The following PCDH15 variants were observed in gnomAD, a reference collection of about 807,000 sequenced individuals.
The protein encoded by PCDH15 is protocadherin-15.
A neutral mutation model predicts 178.5 loss-of-function variants in PCDH15; 129 were observed. The ratio of observed to expected loss-of-function variants is 0.72; its 90% CI spans 0.63 to 0.84. The LOEUF is 0.84. PCDH15 is among the 40% of genes least tolerant of loss of function. The probability of loss-of-function intolerance (pLI) is 0.00; values close to 1 mark genes in which losing one functional copy is unlikely to be tolerated. For missense variants in PCDH15, 2,230 were observed against 2,099.9 expected, an observed-to-expected ratio of 1.06 and a Z score of -1.21; for synonymous variants, 800 against 732.0, an observed-to-expected ratio of 1.09 and a Z score of -1.50.
At chr10:54,107,661 G>T (rs2094941156) in intron 15 of PCDH15, among the ~76,000 whole-genome samples, 1 of 152,160 alleles carries the variant, frequency 6.6e-6, no homozygotes, top group African/African-American at 2.4e-5. Flanking sequence ...CATGAAGTGG[G>T]GGACAGCAGC....
At chr10:53,898,780 A>T (rs2082134273) in intron 26 of PCDH15, among the ~76,000 whole-genome samples, 1 of 152,194 alleles carries the variant, frequency 6.6e-6, no homozygotes, top group Non-Finnish European at 1.5e-5. Context: ...CAGGACAGGC[A>T]TGATTGGCTC....
chr10:54,283,004 C>G (rs1010482823), intron 8 of PCDH15, among the ~76,000 whole-genome samples: 1 of 151,770 alleles, frequency 6.6e-6, no homozygotes, highest in African/African-American at 2.4e-5. Context: ...AAAAAGTAGA[C>G]CTTACTATGA....
Position 54,848,618 on chromosome 10 carries a change from G to A in PCDH15, c.-29+48832C>T, listed in dbSNP as rs181213286. Among the ~76,000 whole-genome samples the A allele has an allele frequency of 2.0e-4, 30 of 151,970 alleles. No homozygotes were observed. In the East Asian group the frequency reaches 4.8e-3, roughly 25 times the overall value. On this transcript the variant is annotated intron_variant, in intron 3 of 5. Transcript: ENST00000458638. ...CTCAACCTCCACAACTATAGAAAAT[G>A]AATTTATTTATTTATAAATTACTCA...
chr10:54,670,849 C>T (rs552811322), intron 1 of PCDH15, among the ~76,000 whole-genome samples: 3 of 152,194 alleles, frequency 2.0e-5, no homozygotes, highest in Admixed American at 2.0e-4. Context: ...AATGACTTTG[C>T]TATTGAGCAT....
intron 2 of PCDH15, among the ~76,000 whole-genome samples, chr10:55,340,447 C>A (rs1844522640): frequency 6.6e-6 from 1 of 151,678 alleles, no homozygotes; most frequent in Admixed American, 6.6e-5. Flanking sequence ...GGAAGTTAAT[C>A]ATCTCATACT....
chr10:54,468,851 T>G (rs527602615), intron 3 of PCDH15, among the ~76,000 whole-genome samples: 1 of 152,328 alleles, frequency 6.6e-6, no homozygotes, highest in African/African-American at 2.4e-5. Context: ...TGCATATATT[T>G]ACAGTTGTTA....
At chr10:54,104,791 C>G (rs188722838) in intron 15 of PCDH15, among the ~76,000 whole-genome samples, 2 of 142,376 alleles carry the variant, frequency 1.4e-5, no homozygotes, top group Non-Finnish European at 3.0e-5. Flanking sequence ...GAGCCAAGAT[C>G]GCGCCACTGC....
intron 1 of PCDH15, among the ~76,000 whole-genome samples, chr10:55,254,169 T>C (rs553983791): frequency 6.6e-6 from 1 of 152,304 alleles, no homozygotes; most frequent in East Asian, 1.9e-4. Context: ...ATAACTAAAA[T>C]CACGCTTTAA....
intron 2 of PCDH15, among the ~76,000 whole-genome samples, chr10:54,979,705 C>T (rs1197570739): frequency 6.8e-6 from 1 of 146,920 alleles, no homozygotes; most frequent in Non-Finnish European, 1.5e-5. Context: ...TTATTTTTAT[C>T]AACAGAAAAA....
chr10:54,966,677 C>T (rs1838800234), intron 2 of PCDH15, among the ~76,000 whole-genome samples: 2 of 152,056 alleles, frequency 1.3e-5, no homozygotes, highest in Admixed American at 6.6e-5. Flanking sequence ...CCATACTGTT[C>T]TCATGGTAGT....
chr10:54,353,330 G>C (rs1944451946), intron 5 of PCDH15, among the ~76,000 whole-genome samples: 1 of 151,998 alleles, frequency 6.6e-6, no homozygotes, highest in Non-Finnish European at 1.5e-5. Flanking sequence ...TAACATTAAA[G>C]AAAACATAAG....
chr10:55,100,275 T>C (rs1422002223), intron 2 of PCDH15, among the ~76,000 whole-genome samples: 1 of 152,184 alleles, frequency 6.6e-6, no homozygotes, highest in African/African-American at 2.4e-5. Flanking sequence ...AAAAATTTAA[T>C]ATAATTAAAT....
At chr10:54,616,675 G>A (rs551061080) in intron 2 of PCDH15, among the ~76,000 whole-genome samples, 2 of 152,174 alleles carry the variant, frequency 1.3e-5, no homozygotes, top group East Asian at 3.9e-4. Context: ...AGCCACCAAA[G>A]ACACTTGTTT....
intron 2 of PCDH15, among the ~76,000 whole-genome samples, chr10:54,645,317 CAGAG>C (rs764348815): frequency 2.0e-5 from 3 of 149,532 alleles, no homozygotes; most frequent in East Asian, 1.9e-4. Flanking sequence ...CTGAGAGAGA[CAGAG>C]AGAGAGAGAG....
chr10:54,240,842 A>G (rs1041257630), intron 8 of PCDH15, among the ~76,000 whole-genome samples: 2 of 151,940 alleles, frequency 1.3e-5, no homozygotes, highest in Admixed American at 6.6e-5. Context: ...CGTGTTGGCC[A>G]GGATGGTCTG....
intron 1 of PCDH15, among the ~76,000 whole-genome samples, chr10:54,765,539 C>T (rs1322405924): frequency 6.6e-6 from 1 of 152,042 alleles, no homozygotes; most frequent in African/African-American, 2.4e-5. Flanking sequence ...TTTGTTTGGA[C>T]ATAGTAAGCA....
intron 1 of PCDH15, among the ~76,000 whole-genome samples, chr10:55,280,582 C>A (rs2132256941): frequency 6.6e-6 from 1 of 151,398 alleles, no homozygotes; most frequent in South Asian, 2.1e-4. Context: ...AGCCACCGTG[C>A]CAGGCCTGTT....
At chr10:54,785,097 C>T (rs1358639346) in intron 1 of PCDH15, among the ~76,000 whole-genome samples, 2 of 151,592 alleles carry the variant, frequency 1.3e-5, no homozygotes, top group African/African-American at 2.4e-5. Context: ...GAAGAAGATA[C>T]AGAGCAGGCA....
At chr10:55,196,489 T>C (rs1334414483) in intron 1 of PCDH15, among the ~76,000 whole-genome samples, 2 of 152,002 alleles carry the variant, frequency 1.3e-5, no homozygotes. Context: ...AGTTAGTTCA[T>C]GGCCTAATGA....
Sources: allele counts gnomAD v4.1 joint callset (sites outside exome capture counted in the v4.1 genomes callset), GRCh38; gene constraint gnomAD v4.1.1; transcripts MANE v1.5; gene names NCBI Gene and HGNC (gene_info 2026-07-23, HGNC 2026-07-21).